Variants in PEAK1 observed in about 807,000 individuals in gnomAD.
The protein encoded by PEAK1 is inactive tyrosine-protein kinase PEAK1.
PEAK1 carries 54 observed loss-of-function variants against 124.7 expected under a neutral mutation model. That is an observed-to-expected ratio of 0.43 (90% CI 0.35 to 0.54). The LOEUF (loss-of-function observed/expected upper bound fraction) is 0.54, where lower values mean the gene tolerates loss of function less well. PEAK1 is among the 20% of genes least tolerant of loss of function. The probability of loss-of-function intolerance (pLI) is 0.01; values close to 1 mark genes in which losing one functional copy is unlikely to be tolerated. For missense variants in PEAK1, 2,046 were observed against 2,134.5 expected (o/e 0.96, Z 0.82); for synonymous variants, 719 against 760.0 (o/e 0.95, Z 0.89).
chr15:77,333,610 A>G lies in PEAK1; in HGVS notation c.-603+31553T>C, dbSNP rs115646758. On this transcript the variant is annotated intron_variant, in intron 2 of 9. Coordinates refer to ENST00000682557, the MANE Select transcript of PEAK1 (RefSeq NM_001385026.1). ...CATTATTTTAACCATCTGAAATCTT[A>G]GCTCATGGCATGAAGTACAACTCTA... is the stretch of plus-strand genomic sequence containing the variant. The G allele has an allele frequency of 1.9e-3, 1,800 of 956,426 alleles. 26 individuals carry two copies. The African/African-American group carries it at 0.03, about 16-fold the overall frequency. 59.2% of individuals were successfully genotyped at this position (956,426 alleles called of 1,614,324 possible).
chr15:77,211,377 A>G (rs945095262), intron 6 of PEAK1, among the ~76,000 whole-genome samples: 2 of 152,184 alleles, frequency 1.3e-5, no homozygotes, highest in African/African-American at 4.8e-5. Flanking sequence ...GTACCATATA[A>G]TATTAAACAT....
chr15:77,236,031 G>C (rs964684684), intron 6 of PEAK1, among the ~76,000 whole-genome samples: 1 of 152,262 alleles, frequency 6.6e-6, no homozygotes, highest in African/African-American at 2.4e-5. Context: ...CGGATATCCA[G>C]GCAGAAGTTT....
chr15:77,141,901 A>G (rs2053820105), intron 8 of PEAK1, among the ~76,000 whole-genome samples: 1 of 152,186 alleles, frequency 6.6e-6, no homozygotes, highest in Non-Finnish European at 1.5e-5. Context: ...GAAAAAACGT[A>G]GGAATAAATC....
intron 5 of PEAK1, among the ~76,000 whole-genome samples, chr15:77,281,510 G>A (rs993051336): frequency 1.3e-5 from 2 of 152,068 alleles, no homozygotes; most frequent in South Asian, 2.1e-4. Context: ...CAAAGCTATT[G>A]AGGAAGTTCA....
chr15:77,353,049 C>CT (rs1242747141), intron 2 of PEAK1: 1 of 963,482 alleles, frequency 1.0e-6, no homozygotes, highest in Non-Finnish European at 1.2e-6. Flanking sequence ...CATGAACCCT[C>CT]TGAGGCCAAT....
intron 2 of PEAK1, among the ~76,000 whole-genome samples, chr15:77,297,650 T>C (rs938315487): frequency 2.0e-5 from 3 of 150,054 alleles, no homozygotes; most frequent in African/African-American, 7.5e-5. Flanking sequence ...TCCTAGCTAC[T>C]CAGGAGGCTG....
At chr15:77,186,760 C>T (rs1037419870) in intron 6 of PEAK1, among the ~76,000 whole-genome samples, 32 of 152,120 alleles carry the variant, frequency 2.1e-4, no homozygotes, top group African/African-American at 7.7e-4. Flanking sequence ...TATTTGGAGA[C>T]AAAGAGGTGC....
chr15:77,305,785 C>G (rs939410475), intron 2 of PEAK1, among the ~76,000 whole-genome samples: 1 of 152,182 alleles, frequency 6.6e-6, no homozygotes, highest in Non-Finnish European at 1.5e-5. Flanking sequence ...CTGTGCACAT[C>G]TTCCCGCATA....
At chr15:77,225,666 T>TTA (rs55958042) in intron 6 of PEAK1, among the ~76,000 whole-genome samples, 20,014 of 87,752 alleles carry the variant, frequency 0.23, 2,605 homozygotes, top group Admixed American at 0.35. Context: ...TGTGTATAAT[T>TTA]TATATATATA....
At chr15:77,417,606 AG>A (rs1357172266) in intron 1 of PEAK1, 3 of 985,334 alleles carry the variant, frequency 3.0e-6, no homozygotes, top group Non-Finnish European at 1.2e-6. Flanking sequence ...TTGGCATGCC[AG>A]GGGCCACAGT....
At chr15:77,228,847 G>A (rs2059787833) in intron 6 of PEAK1, among the ~76,000 whole-genome samples, 1 of 152,038 alleles carries the variant, frequency 6.6e-6, no homozygotes, top group Non-Finnish European at 1.5e-5. Context: ...AAAGTATTGA[G>A]GACTCTAGGT....
At chr15:77,418,701 T>C (rs1273641107) in intron 1 of PEAK1, 1 of 985,304 alleles carries the variant, frequency 1.0e-6, no homozygotes, top group Non-Finnish European at 1.2e-6. Context: ...CATCATGAAG[T>C]GAGTATCCAA....
rs1375717783 is a variant in PEAK1 at position 77,179,453 on chromosome 15, G to C, written c.2474C>G (p.Pro825Arg). The C allele has an allele frequency of 6.2e-7, 1 of 1,614,148 alleles. No homozygotes were observed. Among genetic ancestry groups the C allele is most frequent in the Non-Finnish European group, 8.5e-7 (1 of 1,180,022 alleles). Reference protein sequence around the residue: ...VRPKSLFTSQPSGEAEAPQTT... With the variant: ...VRPKSLFTSQRSGEAEAPQTT... ...CTGAGGTGCTTCAGCCTCACCACTA[G>C]GCTGAGATGTAAAGAGAGATTTGGG... Residue 825 changes from proline to arginine, a missense_variant, in exon 7 of 10, where the codon CCT becomes CGT. Pro to Arg is a moderately radical substitution (Grantham distance 103). Coordinates refer to ENST00000682557, the MANE Select transcript of PEAK1 (RefSeq NM_001385026.1).
intron 2 of PEAK1, among the ~76,000 whole-genome samples, chr15:77,288,499 A>T (rs2063040661): frequency 6.6e-6 from 1 of 152,218 alleles, no homozygotes; most frequent in Non-Finnish European, 1.5e-5. Context: ...GAAACTACAC[A>T]AACTAATGAC....
chr15:77,247,164 G>A (rs1191034491), intron 6 of PEAK1, among the ~76,000 whole-genome samples: 1 of 152,108 alleles, frequency 6.6e-6, no homozygotes, highest in Non-Finnish European at 1.5e-5. Flanking sequence ...GATTTCATTT[G>A]CAAATACTGA....
At chr15:77,289,769 G>A (rs886242747) in intron 2 of PEAK1, among the ~76,000 whole-genome samples, 1 of 152,038 alleles carries the variant, frequency 6.6e-6, no homozygotes, top group Admixed American at 6.5e-5. Context: ...CCCGGGAGGC[G>A]AAGGTTACAG....
In PEAK1 at chr15:77,180,120, T is replaced by C; in HGVS notation, c.1807A>G (p.Met603Val). ...TGAATGATAATTGGAAAAGGTGGCA[T>C]ACCAGCATTGTTATAACTATTAAAT... ...IKFNSYNNAG[M>V]PPFPIIIHDE... Residue 603 changes from methionine to valine, a missense_variant, in exon 7 of 10, where the codon ATG becomes GTG. By Grantham distance (21) the Met-to-Val change is conservative. Coordinates refer to ENST00000682557, the MANE Select transcript of PEAK1 (RefSeq NM_001385026.1). The C allele has an allele frequency of 1.2e-6, 2 of 1,614,196 alleles. No homozygotes were observed. The highest frequency in any genetic ancestry group is 1.7e-5 in the Admixed American group (1 of 60,024).
At chr15:77,168,237 G>GCC (rs1555428545) in intron 7 of PEAK1, among the ~76,000 whole-genome samples, 1 of 147,178 alleles carries the variant, frequency 6.8e-6, no homozygotes, top group Admixed American at 6.8e-5. Context: ...ATGTGCGCGC[G>GCC]CACACACACA....
intron 8 of PEAK1, among the ~76,000 whole-genome samples, chr15:77,145,161 T>C (rs1359674590): frequency 2.0e-5 from 3 of 152,194 alleles, no homozygotes; most frequent in Non-Finnish European, 2.9e-5. Flanking sequence ...CTTAAAAATG[T>C]CTTCAGGCCA....
Sources: gnomAD v4.1 joint callset for allele counts (sites outside exome capture counted in the v4.1 genomes callset) on GRCh38, gnomAD v4.1.1 for gene constraint, MANE v1.5 for transcripts, NCBI Gene and HGNC (gene_info 2026-07-23, HGNC 2026-07-21) for gene names.